Variants in CDH13 observed in about 807,000 individuals in gnomAD.
CDH13 encodes cadherin 13.
CDH13 carries 24 observed loss-of-function variants against 63.8 expected under a neutral mutation model. The observed-to-expected ratio is 0.38, with a 90% CI of 0.27 to 0.53. The LOEUF is 0.53. Among genes scored for constraint, CDH13 ranks in the 20% least tolerant of loss-of-function variants. The pLI is 0.85. For synonymous variants in CDH13, 503 were observed against 355.3 expected (o/e 1.42, Z -4.67); for missense variants, 1,049 against 903.1 (o/e 1.16, Z -2.07).
chr16:83,051,317 A>G lies in CDH13; in HGVS notation c.366+19099A>G, dbSNP rs566219867. Reference sequence around the variant, plus strand: ...AAATGGTATGTTTCCTTCCACATCTATCTCTAAGGGATGGCATAAGTGGGT... The same window carrying G: ...AAATGGTATGTTTCCTTCCACATCTGTCTCTAAGGGATGGCATAAGTGGGT... On this transcript the variant is annotated intron_variant, in intron 3 of 13. Transcript: ENST00000567109. Among the ~76,000 whole-genome samples, 9 of 152,276 alleles carry G rather than the reference A, an allele frequency of 5.9e-5. No homozygotes were observed. The East Asian group carries it at 9.6e-4, about 16-fold the overall frequency.
At chr16:83,141,009 C>T (rs1250137648) in intron 4 of CDH13, among the ~76,000 whole-genome samples, 1 of 152,168 alleles carries the variant, frequency 6.6e-6, no homozygotes, top group African/African-American at 2.4e-5. Flanking sequence ...TTGAAGTTCC[C>T]AATGAACCAG....
rs368497588 is a variant in CDH13 at position 83,065,351 on chromosome 16, T to G, written c.366+33133T>G. ...GCTATGTTGAATGCTGGTACAAAGA[T>G]GGGTAAGATGGGATGGAGAAGTTTC... On this transcript the variant is annotated intron_variant, in intron 3 of 13. Transcript: ENST00000567109. 1.2e-4 allele frequency among the ~76,000 whole-genome samples: 18 copies of G among 152,130 alleles called. No homozygotes were observed. In the East Asian group the frequency reaches 3.3e-3, roughly 28 times the overall value.
At chr16:83,048,205 G>C (rs1259518483) in intron 3 of CDH13, among the ~76,000 whole-genome samples, 1 of 152,154 alleles carries the variant, frequency 6.6e-6, no homozygotes, top group Non-Finnish European at 1.5e-5. Context: ...TGGTTACTTT[G>C]AAACTTTCAT....
chr16:83,511,666 C>G (rs2074569618), intron 7 of CDH13, among the ~76,000 whole-genome samples: 1 of 152,030 alleles, frequency 6.6e-6, no homozygotes, highest in Non-Finnish European at 1.5e-5. Flanking sequence ...GAGCATCACA[C>G]AGGTTAATGT....
intron 6 of CDH13, among the ~76,000 whole-genome samples, chr16:83,427,975 G>A (rs1198541963): frequency 2.0e-4 from 31 of 152,236 alleles, no homozygotes; most frequent in Non-Finnish European, 7.3e-5. Context: ...AAAAGCCAGG[G>A]TGATCTGTAG....
At chr16:82,729,516 C>G (rs920087949) in intron 1 of CDH13, among the ~76,000 whole-genome samples, 3 of 151,486 alleles carry the variant, frequency 2.0e-5, no homozygotes, top group African/African-American at 7.3e-5. Flanking sequence ...AGCAGTAGGT[C>G]TCAACAATGG....
At chr16:82,959,798 C>A (rs1225623666) in intron 2 of CDH13, among the ~76,000 whole-genome samples, 1 of 152,140 alleles carries the variant, frequency 6.6e-6, no homozygotes, top group African/African-American at 2.4e-5. Context: ...TTGTTTTTAA[C>A]CCTCTACCTG....
intron 9 of CDH13, among the ~76,000 whole-genome samples, chr16:83,675,052 G>T (rs1349699105): frequency 6.6e-6 from 1 of 152,082 alleles, no homozygotes; most frequent in Non-Finnish European, 1.5e-5. Flanking sequence ...CAGGGCAGTG[G>T]TTTACACCCT....
intron 5 of CDH13, among the ~76,000 whole-genome samples, chr16:83,226,342 A>G (rs914721212): frequency 1.3e-5 from 2 of 152,200 alleles, no homozygotes; most frequent in Admixed American, 1.3e-4. Context: ...CACTAAGCAA[A>G]GCTGCTTCCT....
intron 1 of CDH13, among the ~76,000 whole-genome samples, chr16:82,729,038 G>C (rs147332728): frequency 2.3e-4 from 35 of 152,284 alleles, no homozygotes; most frequent in Admixed American, 2.0e-4. Context: ...CAGCAATTCA[G>C]TCACATCTTC....
intron 5 of CDH13, among the ~76,000 whole-genome samples, chr16:83,237,252 G>A (rs1442557775): frequency 6.6e-6 from 1 of 152,194 alleles, no homozygotes; most frequent in Non-Finnish European, 1.5e-5. Context: ...AGAGCTGAGT[G>A]GGCACCCACC....
intron 4 of CDH13, among the ~76,000 whole-genome samples, chr16:83,201,206 A>C (rs555392714): frequency 6.6e-6 from 1 of 152,248 alleles, no homozygotes; most frequent in South Asian, 2.1e-4. Context: ...TTATTTATTA[A>C]AAAATATTTG....
chr16:83,025,754 A>C (rs111264567), intron 2 of CDH13, among the ~76,000 whole-genome samples: 14 of 152,174 alleles, frequency 9.2e-5, no homozygotes, highest in African/African-American at 3.4e-4. Flanking sequence ...AGTTGCTGGC[A>C]TGCCAGTCCC....
chr16:83,167,383 G>A (rs533788603), intron 4 of CDH13, among the ~76,000 whole-genome samples: 1 of 150,648 alleles, frequency 6.6e-6, no homozygotes, highest in Non-Finnish European at 1.5e-5. Flanking sequence ...TGTAATCCCA[G>A]TTACTCACTA....
intron 2 of CDH13, among the ~76,000 whole-genome samples, chr16:82,927,092 G>T (rs112024168): frequency 1.3e-5 from 2 of 152,098 alleles, no homozygotes; most frequent in South Asian, 4.1e-4. Flanking sequence ...GATTCTGGCT[G>T]TTGGCCACAG....
intron 2 of CDH13, among the ~76,000 whole-genome samples, chr16:82,874,126 C>A (rs2040428900): frequency 1.3e-5 from 2 of 151,980 alleles, no homozygotes; most frequent in South Asian, 4.2e-4. Flanking sequence ...GTTGGCATTT[C>A]AATAGTAAAA....
Position 83,571,390 on chromosome 16 carries a change from AG to A in CDH13, c.961-31063del, listed in dbSNP as rs1407028541. On this transcript the variant is annotated intron_variant, in intron 7 of 13. Coordinates refer to ENST00000567109, the MANE Select transcript of CDH13 (RefSeq NM_001257.5). ...TTTCTCTCAGCTTGATGTTGGGCCAAGTTTTTACTTCTTTAAAAGAAAAAAA... is the reference window on the plus strand; with the variant it reads ...TTTCTCTCAGCTTGATGTTGGGCCAATTTTTACTTCTTTAAAAGAAAAAAA... Among the ~76,000 whole-genome samples the A allele has an allele frequency of 2.0e-5, 3 of 152,158 alleles. No homozygotes were observed. The East Asian group carries it at 5.8e-4, about 29-fold the overall frequency.
intron 3 of CDH13, among the ~76,000 whole-genome samples, chr16:83,110,064 A>C (rs2034985849): frequency 6.6e-6 from 1 of 152,242 alleles, no homozygotes; most frequent in Non-Finnish European, 1.5e-5. Flanking sequence ...ATTTTAGAGC[A>C]AATGGTAGAA....
Position 82,976,383 on chromosome 16 carries a change from T to A in CDH13, c.158-55627T>A, listed in dbSNP as rs182748499. ...TATTAGAGAATGTATCTCACTCAACTGTAACGGTGGATTCCTATGTCCTTT... is the reference window on the plus strand; with the variant it reads ...TATTAGAGAATGTATCTCACTCAACAGTAACGGTGGATTCCTATGTCCTTT... On this transcript the variant is annotated intron_variant, in intron 2 of 13. Transcript: ENST00000567109. Among the ~76,000 whole-genome samples the A allele has an allele frequency of 2.5e-3, 382 of 152,316 alleles. 2 individuals carry two copies. The highest frequency in any genetic ancestry group is 3.7e-3 in the Non-Finnish European group (251 of 68,018).
Sources: allele counts gnomAD v4.1 joint callset (sites outside exome capture counted in the v4.1 genomes callset), GRCh38; gene constraint gnomAD v4.1.1; transcripts MANE v1.5; gene names NCBI Gene and HGNC (gene_info 2026-07-23, HGNC 2026-07-21).